DOCK3: variants seen among roughly 807,000 people sequenced by gnomAD.
DOCK3 encodes dedicator of cytokinesis 3, also known as dedicator of cytokinesis protein 3.
Under a neutral mutation model 265.6 loss-of-function variants are expected in DOCK3, and 60 were observed. The ratio of observed to expected loss-of-function variants is 0.23; its 90% CI spans 0.18 to 0.28. The LOEUF is 0.28. Ranked by LOEUF, DOCK3 falls within the 10% of genes least tolerant of loss-of-function variation. The pLI, the probability that DOCK3 is intolerant of heterozygous loss-of-function variation, is 1.00. For synonymous variants in DOCK3, 881 were observed against 938.0 expected (o/e 0.94, Z 1.11); for missense variants, 1,981 against 2,594.3 (o/e 0.76, Z 5.14).
At chr3:50,688,504 C>T (rs894483336) in intron 1 of DOCK3, among the ~76,000 whole-genome samples, 1 of 152,036 alleles carries the variant, frequency 6.6e-6, no homozygotes, top group African/African-American at 2.4e-5. Flanking sequence ...GCTCTGTTGC[C>T]CAGGCTGGCG....
intron 4 of DOCK3, among the ~76,000 whole-genome samples, chr3:50,903,102 T>C (rs1421604537): frequency 6.6e-6 from 1 of 152,198 alleles, no homozygotes; most frequent in African/African-American, 2.4e-5. Context: ...AGATATGGGA[T>C]CACGTTATCT....
At chr3:51,344,390 G>A (rs1389478325) in intron 38 of DOCK3, among the ~76,000 whole-genome samples, 1 of 152,202 alleles carries the variant, frequency 6.6e-6, no homozygotes, top group Non-Finnish European at 1.5e-5. Flanking sequence ...GGAGGCCAAG[G>A]TGGGCGGATC....
chr3:50,772,979 A>G (rs2108484819), intron 1 of DOCK3, among the ~76,000 whole-genome samples: 1 of 152,312 alleles, frequency 6.6e-6, no homozygotes, highest in East Asian at 1.9e-4. Flanking sequence ...CTAAATAGCT[A>G]AAGTAATGTT....
intron 1 of DOCK3, among the ~76,000 whole-genome samples, chr3:50,768,576 T>C (rs2041060996): frequency 6.6e-6 from 1 of 152,164 alleles, no homozygotes; most frequent in Non-Finnish European, 1.5e-5. Context: ...AAAAACCACA[T>C]GATTATCTCA....
intron 5 of DOCK3, among the ~76,000 whole-genome samples, chr3:51,040,361 A>G (rs2109019281): frequency 6.6e-6 from 1 of 152,306 alleles, no homozygotes; most frequent in Middle Eastern, 3.4e-3. Context: ...AGTCACATGA[A>G]TATTTTGGTT....
At chr3:51,117,132 T>C (rs770862502) in intron 9 of DOCK3, among the ~76,000 whole-genome samples, 10 of 152,192 alleles carry the variant, frequency 6.6e-5, no homozygotes, top group Non-Finnish European at 1.2e-4. Context: ...TTTAAGATAT[T>C]TTCCATAAAT....
chr3:51,306,987 C>A (rs139053358), intron 27 of DOCK3, among the ~76,000 whole-genome samples: 74 of 152,314 alleles, frequency 4.9e-4, no homozygotes, highest in African/African-American at 1.8e-3. Context: ...GAAAACTGGA[C>A]ATTTTAATTA....
At chr3:50,868,176 C>A in intron 3 of DOCK3, among the ~76,000 whole-genome samples, 2 of 151,890 alleles carry the variant, frequency 1.3e-5, no homozygotes, top group South Asian at 4.2e-4. Context: ...CAGGTTCAAG[C>A]GATTCTCCTG....
At chr3:51,077,124 C>T (rs1466858170) in intron 7 of DOCK3, among the ~76,000 whole-genome samples, 4 of 151,950 alleles carry the variant, frequency 2.6e-5, no homozygotes, top group Non-Finnish European at 1.5e-5. Context: ...AGAAAAATGG[C>T]TAGACAGCAA....
At chr3:51,329,308 T>C (rs2084362248) in intron 32 of DOCK3, among the ~76,000 whole-genome samples, 1 of 152,252 alleles carries the variant, frequency 6.6e-6, no homozygotes, top group East Asian at 1.9e-4. Flanking sequence ...ACCTAGGTGA[T>C]GGGTTGATAG....
intron 1 of DOCK3, among the ~76,000 whole-genome samples, chr3:50,765,672 G>A (rs1042174604): frequency 3.3e-5 from 5 of 152,058 alleles, no homozygotes; most frequent in Non-Finnish European, 2.9e-5. Context: ...AGGGTACAGT[G>A]TGATGTTTTG....
rs9990213 is a variant in DOCK3 at position 51,350,216 on chromosome 3, G to A, written c.4003-72G>A. On this transcript the variant is annotated intron_variant, in intron 39 of 52. Coordinates refer to ENST00000266037, the MANE Select transcript of DOCK3 (RefSeq NM_004947.5). Reference sequence around the variant, plus strand: ...ATCCCTTTCCAGAAGACAGTGTCCAGTTGGGCCTGGGAGAACTTCCTTTGG... The same window carrying A: ...ATCCCTTTCCAGAAGACAGTGTCCAATTGGGCCTGGGAGAACTTCCTTTGG... The A allele has an allele frequency of 5.9e-6, 8 of 1,365,832 alleles. No homozygotes were observed. In the East Asian group the frequency reaches 7.1e-5, roughly 12 times the overall value. 84.6% of individuals were successfully genotyped at this position (1,365,832 alleles called of 1,614,324 possible). A position where few individuals can be genotyped will look rare whatever the true frequency, so the allele number is the denominator to read the frequency against.
chr3:50,698,517 G>GTTTTTTTTTTTT lies in DOCK3; in HGVS notation c.37+23231_37+23242dup. Reference sequence around the variant, plus strand: ...GTTTCTCTGTGGATGTATGTTTTTGGTTTTTTTTTTTTTTTTTTTTTTTTT... The same window carrying GTTTTTTTTTTTT: ...GTTTCTCTGTGGATGTATGTTTTTGGTTTTTTTTTTTTTTTTTTTTTTTTTTTTTTTTTTTTT... On this transcript the variant is annotated intron_variant, in intron 1 of 52. Coordinates refer to ENST00000266037, the MANE Select transcript of DOCK3 (RefSeq NM_004947.5). 5.1e-4 allele frequency among the ~76,000 whole-genome samples: 10 copies of GTTTTTTTTTTTT among 19,512 alleles called. 3 individuals are homozygous for GTTTTTTTTTTTT. The highest frequency in any genetic ancestry group is 8.3e-4 in the Non-Finnish European group (7 of 8,460). 12.8% of individuals were successfully genotyped at this position (19,512 alleles called of 152,430 possible). A position where few individuals can be genotyped will look rare whatever the true frequency, so the allele number is the denominator to read the frequency against.
chr3:51,381,747 A>G lies in DOCK3; in HGVS notation c.*188A>G. 1.5e-6 allele frequency: 1 copy of G among 659,738 alleles called. No homozygotes were observed. The highest frequency in any genetic ancestry group is 3.1e-5 in the East Asian group (1 of 32,622). 40.9% of individuals were successfully genotyped at this position (659,738 alleles called of 1,614,324 possible). On this transcript the variant is annotated 3_prime_UTR_variant, in exon 53 of 53. Transcript: ENST00000266037. The surrounding 1 kb of genome is among the most constrained non-coding windows in gnomAD (Gnocchi z 5.6). The stretch of plus-strand genomic sequence containing the variant: ...TGCCATGTACAGAGGCCACAGCAGC[A>G]TGAAGGGTTGTGGCTTCCCTTTTTA...
chr3:50,820,307 G>C (rs1224380251), intron 2 of DOCK3, among the ~76,000 whole-genome samples: 1 of 152,236 alleles, frequency 6.6e-6, no homozygotes, highest in Non-Finnish European at 1.5e-5. Context: ...GGTTTGCCCT[G>C]TGACAAGTAG....
intron 5 of DOCK3, among the ~76,000 whole-genome samples, chr3:51,053,820 T>C (rs1231816297): frequency 2.6e-5 from 4 of 152,186 alleles, no homozygotes; most frequent in African/African-American, 9.7e-5. Context: ...TGTGTAACCT[T>C]GTTTTTCTTA....
chr3:51,333,075 C>A, intron 34 of DOCK3, 48 bp downstream of exon 34: 1 of 1,613,914 alleles, frequency 6.2e-7, no homozygotes, highest in South Asian at 1.1e-5. Context: ...CCATCACAGC[C>A]TCCATGGGCT....
rs532939882 is a variant in DOCK3, at chr3:51,236,725, A to G, written c.2001+297A>G. Among the ~76,000 whole-genome samples, 191 of 152,286 alleles carry G rather than the reference A, an allele frequency of 1.3e-3. 1 individual carries two copies. Among genetic ancestry groups the G allele is most frequent in the Non-Finnish European group, 2.0e-3 (137 of 68,004 alleles). ...GTGACCTCCATGAGGTCAGAAACCC[A>G]GAGAGTAATACAAGAAATCAGATGG... On this transcript the variant is annotated intron_variant, in intron 20 of 52. Coordinates refer to ENST00000266037, the MANE Select transcript of DOCK3 (RefSeq NM_004947.5).
At chr3:51,108,190 C>A (rs532804022) in intron 9 of DOCK3, among the ~76,000 whole-genome samples, 2 of 152,142 alleles carry the variant, frequency 1.3e-5, no homozygotes, top group East Asian at 3.9e-4. Context: ...ACATGCCTGG[C>A]TAATTTTATG....
Sources: allele counts gnomAD v4.1 joint callset (sites outside exome capture counted in the v4.1 genomes callset), GRCh38; gene constraint gnomAD v4.1.1; non-coding constraint Gnocchi (gnomAD v3.1); transcripts MANE v1.5; gene names NCBI Gene and HGNC (gene_info 2026-07-23, HGNC 2026-07-21).